Variants in ANKRD6 observed in about 807,000 individuals in gnomAD.
The protein encoded by ANKRD6 is ankyrin repeat domain 6.
A neutral mutation model predicts 82.3 loss-of-function variants in ANKRD6; 56 were observed. The observed-to-expected ratio is 0.68, with a 90% CI of 0.55 to 0.85. The LOEUF is 0.85. Among genes scored for constraint, ANKRD6 ranks in the 40% least tolerant of loss-of-function variants. ANKRD6 has a pLI of 0.00. For missense variants in ANKRD6, 852 were observed against 907.6 expected (o/e 0.94, Z 0.79); for synonymous variants, 347 against 352.1 (o/e 0.99, Z 0.16).
chr6:89,624,574 C>G lies in ANKRD6; in HGVS notation c.1254C>G (p.Ile418Met), dbSNP rs1437820249. Residue 418 changes from isoleucine (I) to methionine (M), a missense_variant, in exon 13 of 16, where the codon ATC (isoleucine) becomes ATG (methionine). Physicochemically the swap from Ile to Met is conservative, Grantham distance 10 (BLOSUM62 1). Coordinates refer to ENST00000339746, the MANE Select transcript of ANKRD6 (RefSeq NM_001242809.2). ...PINGCRCEPL[I>M]NKLENQLEAT... Reference sequence around the variant, plus strand: ...ATGGTTGTCGATGTGAACCTCTAATCAACAAGCTGGAGAATCAGTTGGAGG... The same window carrying G: ...ATGGTTGTCGATGTGAACCTCTAATGAACAAGCTGGAGAATCAGTTGGAGG... The G allele has an allele frequency of 6.4e-7, 1 of 1,555,230 alleles. No individual in the cohort carries two copies. Among genetic ancestry groups the G allele is most frequent in the South Asian group, 1.2e-5 (1 of 84,202 alleles).
At chr6:89,458,888 C>G (rs993205710) in intron 1 of ANKRD6, among the ~76,000 whole-genome samples, 4 of 152,174 alleles carry the variant, frequency 2.6e-5, no homozygotes, top group Non-Finnish European at 5.9e-5. Flanking sequence ...AGTTCTTGGC[C>G]TATGCTGTCT....
intron 1 of ANKRD6, among the ~76,000 whole-genome samples, chr6:89,535,151 GA>G (rs1482113561): frequency 6.6e-6 from 1 of 152,150 alleles, no homozygotes; most frequent in Non-Finnish European, 1.5e-5. Context: ...ATTAAAAATG[GA>G]ATGTATATTT....
chr6:89,464,648 C>T (rs1424347088), intron 1 of ANKRD6, among the ~76,000 whole-genome samples: 1 of 152,200 alleles, frequency 6.6e-6, no homozygotes, highest in Non-Finnish European at 1.5e-5. Flanking sequence ...TCTAAACTAC[C>T]TTGTAACTTC....
At chr6:89,454,998 G>T (rs1195905989) in intron 1 of ANKRD6, among the ~76,000 whole-genome samples, 1 of 151,868 alleles carries the variant, frequency 6.6e-6, no homozygotes, top group Non-Finnish European at 1.5e-5. Context: ...GTGCCATGAT[G>T]CTCATCTAAT....
chr6:89,476,152 T>C (rs935782346), intron 1 of ANKRD6, among the ~76,000 whole-genome samples: 3 of 152,186 alleles, frequency 2.0e-5, no homozygotes, highest in African/African-American at 7.2e-5. Context: ...ATAATTAATA[T>C]GTGTATGTTT....
chr6:89,567,581 G>A (rs543661109), intron 2 of ANKRD6, among the ~76,000 whole-genome samples: 4 of 152,206 alleles, frequency 2.6e-5, no homozygotes, highest in African/African-American at 4.8e-5. Context: ...AAGCTTTGGA[G>A]GGCATTGCTT....
intron 2 of ANKRD6, among the ~76,000 whole-genome samples, chr6:89,589,817 A>C (rs958975829): frequency 8.5e-5 from 13 of 152,192 alleles, no homozygotes; most frequent in African/African-American, 2.7e-4. Flanking sequence ...GTTGCTTCGC[A>C]ACATCTCAAG....
chr6:89,592,982 G>A (rs956832732), intron 2 of ANKRD6, among the ~76,000 whole-genome samples: 10 of 152,228 alleles, frequency 6.6e-5, no homozygotes, highest in Admixed American at 2.0e-4. Context: ...GCTGAGGCCA[G>A]AGGATTGCTT....
intron 2 of ANKRD6, among the ~76,000 whole-genome samples, chr6:89,579,614 G>A (rs549403255): frequency 4.1e-4 from 62 of 151,968 alleles, no homozygotes; most frequent in East Asian, 1.2e-3. Context: ...AAAATTAGTC[G>A]GGTGTGGTGG....
At chr6:89,486,900 C>T (rs939259360) in intron 1 of ANKRD6, among the ~76,000 whole-genome samples, 1 of 152,156 alleles carries the variant, frequency 6.6e-6, no homozygotes, top group South Asian at 2.1e-4. Context: ...ACCCTCATAA[C>T]CTAATTACCT....
intron 1 of ANKRD6, among the ~76,000 whole-genome samples, chr6:89,491,630 G>A (rs1317819870): frequency 6.6e-6 from 1 of 150,600 alleles, no homozygotes; most frequent in African/African-American, 2.4e-5. Context: ...ACACACCAGG[G>A]CCTGTCATGG....
rs1333806273 is a variant in ANKRD6 at position 89,606,058 on chromosome 6, G to T, written c.370G>T (p.Ala124Ser). The change falls in exon 5 of 16, where the codon GCC becomes TCC. Residue 124 changes from alanine to serine, a missense_variant. Ala to Ser is a moderately conservative substitution (Grantham distance 99, BLOSUM62 1). Transcript: ENST00000339746. ...ATCCTGGCATGGTTTCAGCCAGTCA[G>T]CCAAGCTGCTCATTAAAGCAGGAGC... is the stretch of plus-strand genomic sequence containing the variant. ...EASWHGFSQS[A>S]KLLIKAGANV... The T allele has an allele frequency of 6.3e-7, 1 of 1,594,918 alleles. No individual in the cohort carries two copies. The highest frequency in any genetic ancestry group is 8.5e-7 in the Non-Finnish European group (1 of 1,170,458).
rs575693958 is a variant in ANKRD6, at chr6:89,472,839, T to C, written c.-144+39464T>C. 3.9e-5 allele frequency among the ~76,000 whole-genome samples: 6 copies of C among 152,232 alleles called. No individual in the cohort carries two copies. In the South Asian group the frequency reaches 1.2e-3, roughly 32 times the overall value. Reference sequence around the variant, plus strand: ...GCTAGGAAGAGCCCCAGAGGAACGGTGGTCACTGCCTGCTCCCCAGCCTCC... The same window carrying C: ...GCTAGGAAGAGCCCCAGAGGAACGGCGGTCACTGCCTGCTCCCCAGCCTCC... On this transcript the variant is annotated intron_variant, in intron 1 of 15. Coordinates refer to ENST00000339746, the MANE Select transcript of ANKRD6 (RefSeq NM_001242809.2).
At chr6:89,531,691 C>T (rs887895383) in intron 1 of ANKRD6, among the ~76,000 whole-genome samples, 1 of 152,240 alleles carries the variant, frequency 6.6e-6, no homozygotes, top group African/African-American at 2.4e-5. Flanking sequence ...CTTCTTTGAT[C>T]TTATATCCCA....
At chr6:89,598,828 T>C (rs1006543203) in intron 3 of ANKRD6, among the ~76,000 whole-genome samples, 3 of 152,168 alleles carry the variant, frequency 2.0e-5, no homozygotes, top group Non-Finnish European at 4.4e-5. Flanking sequence ...ACAAATGCTT[T>C]TGGGGCAGCT....
At position 89,541,387 on chromosome 6, in the gene ANKRD6, CTTTT is replaced by C. The variant is rs58643589; in HGVS notation, c.-143-25427_-143-25424del. On this transcript the variant is annotated intron_variant, in intron 1 of 15. Coordinates refer to ENST00000339746, the MANE Select transcript of ANKRD6 (RefSeq NM_001242809.2). Reference sequence around the variant, plus strand: ...TCTAGGTATTTAATTTTACGTGTGGCTTTTTTTTTTTTTTTTTTTTTTTGAGATG... The same window carrying C: ...TCTAGGTATTTAATTTTACGTGTGGCTTTTTTTTTTTTTTTTTTTGAGATG... 5.3e-4 allele frequency among the ~76,000 whole-genome samples: 34 copies of C among 64,100 alleles called. No homozygotes were observed. In the South Asian group the frequency reaches 0.018, roughly 34 times the overall value. The allele number at this position is 64,100 out of a possible 152,430, so 42.1% of individuals were successfully genotyped here.
chr6:89,585,056 A>G (rs898393529), intron 2 of ANKRD6, among the ~76,000 whole-genome samples: 1 of 152,186 alleles, frequency 6.6e-6, no homozygotes, highest in Non-Finnish European at 1.5e-5. Flanking sequence ...GCTTCAACAT[A>G]TCAATTTCAG....
rs577949548 is a variant in ANKRD6, at chr6:89,479,577, ATTAT to A, written c.-144+46205_-144+46208del. 2.8e-3 allele frequency among the ~76,000 whole-genome samples: 429 copies of A among 150,850 alleles called. 2 individuals are homozygous for A. The highest frequency in any genetic ancestry group is 3.7e-3 in the Non-Finnish European group (250 of 67,628). ...CATAAAGCCTTTTTCCATAATTAGA[ATTAT>A]TTCTTTTTTTATTTTTTATTTTTAT... On this transcript the variant is annotated intron_variant, in intron 1 of 15. Transcript: ENST00000339746.
intron 1 of ANKRD6, among the ~76,000 whole-genome samples, chr6:89,544,538 C>T (rs1562772237): frequency 6.6e-6 from 1 of 151,918 alleles, no homozygotes; most frequent in Non-Finnish European, 1.5e-5. Flanking sequence ...CACGGTGAAA[C>T]CCCATCGCTA....
Sources: gnomAD v4.1 joint callset for allele counts (sites outside exome capture counted in the v4.1 genomes callset) on GRCh38, gnomAD v4.1.1 for gene constraint, MANE v1.5 for transcripts, NCBI Gene and HGNC (gene_info 2026-07-23, HGNC 2026-07-21) for gene names.